The following ABCA6 variants were observed in gnomAD, a reference collection of about 807,000 sequenced individuals.
The protein encoded by ABCA6 is ATP-binding cassette sub-family A member 6.
ABCA6 carries 164 observed loss-of-function variants against 191.2 expected under a neutral mutation model. That is an observed-to-expected ratio of 0.86 (90% CI 0.76 to 0.98). The LOEUF is 0.98. ABCA6 is among the 50% of genes least tolerant of loss of function. The pLI, the probability that ABCA6 is intolerant of heterozygous loss-of-function variation, is 0.00. For synonymous variants in ABCA6, 636 were observed against 647.7 expected (o/e 0.98, Z 0.27); for missense variants, 1,958 against 1,894.1 (o/e 1.03, Z -0.63).
chr17:69,089,053 A>G (rs1483464125), intron 27 of ABCA6, among the ~76,000 whole-genome samples: 1 of 152,206 alleles, frequency 6.6e-6, no homozygotes, highest in Non-Finnish European at 1.5e-5. Context: ...TACCTAGAAA[A>G]GTACTGACAC....
In ABCA6 at chr17:69,136,166, A is replaced by C; in HGVS notation, c.386T>G (p.Phe129Cys). Reference sequence around the variant, plus strand: ...TAACTTATAAGAGAAAGTTTCATTAAAGATGATTCCCATAGCATATGGTAA... The same window carrying C: ...TAACTTATAAGAGAAAGTTTCATTACAGATGATTCCCATAGCATATGGTAA... ...ENLPYAMGII[F>C]NETFSYKLIF... The change falls in exon 4 of 39, where the codon TTT (phenylalanine) becomes TGT (cysteine). Residue 129 changes from phenylalanine (F) to cysteine (C), a missense_variant. By Grantham distance (205) the Phe-to-Cys change is radical (BLOSUM62 -2). Coordinates refer to ENST00000284425, the MANE Select transcript of ABCA6 (RefSeq NM_080284.3). 6.2e-7 allele frequency: 1 copy of C among 1,606,126 alleles called. No homozygotes were observed. Among genetic ancestry groups the C allele is most frequent in the African/African-American group, 1.3e-5 (1 of 74,942 alleles).
intron 20 of ABCA6, among the ~76,000 whole-genome samples, chr17:69,103,557 C>T (rs1487060244): frequency 2.0e-5 from 3 of 152,086 alleles, no homozygotes; most frequent in African/African-American, 4.8e-5. Context: ...CAGATGAGAA[C>T]GTCTGACCGT....
In ABCA6 at chr17:69,100,911, A is replaced by G. The variant is rs139056391; in HGVS notation, c.2898T>C (p.Cys966=). The G allele has an allele frequency of 3.8e-6, 6 of 1,596,032 alleles. No individual in the cohort carries two copies. In the African/African-American group the frequency reaches 8.1e-5, roughly 22 times the overall value. Residue 966 remains cysteine (C), a synonymous_variant, in exon 22 of 39, where the codon TGT becomes TGC. Transcript: ENST00000284425. ...GAAAACAGTGCAATCTCTTGGTATT[A>G]CACACAACTGAAAATCTATAATCCT... The part of the protein sequence containing the change: ...KQKDYRFSVV[C]NTKRLHCFPI...
chr17:69,102,157 C>T (rs2073195656), intron 21 of ABCA6, among the ~76,000 whole-genome samples: 1 of 152,036 alleles, frequency 6.6e-6, no homozygotes, highest in South Asian at 2.1e-4. Flanking sequence ...ACCAGCCTGG[C>T]CAACATGATG....
At chr17:69,090,676 A>C (rs1891802988) in intron 26 of ABCA6, among the ~76,000 whole-genome samples, 1 of 152,182 alleles carries the variant, frequency 6.6e-6, no homozygotes, top group Non-Finnish European at 1.5e-5. Context: ...AGGTGTCCCC[A>C]GTTACTAGCA....
rs780961123 is a variant in ABCA6, at chr17:69,081,197, G to T, written c.4617-52C>A. The T allele has an allele frequency of 1.1e-4, 106 of 957,732 alleles. 1 individual carries two copies. Among genetic ancestry groups the T allele is most frequent in the Middle Eastern group, 6.5e-4 (3 of 4,624 alleles). 59.3% of individuals were successfully genotyped at this position (957,732 alleles called of 1,614,324 possible). On this transcript the variant is annotated intron_variant, in intron 36 of 38. Transcript: ENST00000284425. ...GCTCTGAGTTTCAAGGGGAGAAAAT[G>T]AGCATCAGAATAAATATTGATATTA...
chr17:69,096,078 T>G (rs2073038664), intron 25 of ABCA6, among the ~76,000 whole-genome samples, 162 bp downstream of exon 25: 1 of 152,230 alleles, frequency 6.6e-6, no homozygotes, highest in South Asian at 2.1e-4. Context: ...TTTAGAAATA[T>G]TATTGATTCA....
chr17:69,098,620 G>A (rs1322798533), intron 22 of ABCA6: 25 of 44,978 alleles, frequency 5.6e-4, no homozygotes, highest in African/African-American at 1.2e-3. Flanking sequence ...AACAAAACTC[G>A]GTCTCAAAAA....
In ABCA6 at chr17:69,113,623, G is replaced by T; in HGVS notation, c.1897C>A (p.Pro633Thr). 1 of 1,612,884 alleles carries T rather than the reference G, an allele frequency of 6.2e-7. No homozygotes were observed. Among genetic ancestry groups the T allele is most frequent in the Non-Finnish European group, 8.5e-7 (1 of 1,179,300 alleles). ...CCATGCATAATCTCACTTACTTGAG[G>T]ATCTCCTAAAATGGTAATCCCAAAA... ...LTFGITILGD[P>T]QILLLDEPTT... The change falls in exon 14 of 39, where the codon CCT becomes ACT. Residue 633 changes from proline (P) to threonine (T), a missense_variant. Pro to Thr is a conservative substitution (Grantham distance 38). Coordinates refer to ENST00000284425, the MANE Select transcript of ABCA6 (RefSeq NM_080284.3).
intron 25 of ABCA6, among the ~76,000 whole-genome samples, chr17:69,092,157 G>GTTTT (rs2072940638): frequency 6.6e-6 from 1 of 152,072 alleles, no homozygotes. Flanking sequence ...TTGTTTGTTT[G>GTTTT]TTTTAAGAAT....
intron 7 of ABCA6, among the ~76,000 whole-genome samples, 153 bp downstream of exon 7, chr17:69,129,457 T>C (rs2073820054): frequency 6.6e-6 from 1 of 152,092 alleles, no homozygotes; most frequent in Admixed American, 6.6e-5. Flanking sequence ...TTTCACTCCA[T>C]AGAAACTATT....
At chr17:69,100,699 C>A in intron 22 of ABCA6, 98 bp downstream of exon 22, 1 of 1,247,154 alleles carries the variant, frequency 8.0e-7, no homozygotes. Context: ...AATTTTCAGG[C>A]TTAACAATCA....
chr17:69,105,516 G>C lies in ABCA6; in HGVS notation c.2686C>G (p.Pro896Ala), dbSNP rs1273473772. 6.2e-7 allele frequency: 1 copy of C among 1,611,478 alleles called. No homozygotes were observed. The highest frequency in any genetic ancestry group is 1.7e-5 in the Admixed American group (1 of 59,908). The change falls in exon 20 of 39, where the codon CCT (proline) becomes GCT (alanine). Residue 896 changes from proline to alanine, a missense_variant. Coordinates refer to ENST00000284425, the MANE Select transcript of ABCA6 (RefSeq NM_080284.3). Reference protein sequence around the residue: ...EFKNELYFLSPGQLPQEPRTS... With the variant: ...EFKNELYFLSAGQLPQEPRTS... ...CGGGGTTCCTGGGGAAGTTGTCCAG[G>C]AGAGAGAAAATACAATTCGTTTTTA... is the stretch of plus-strand genomic sequence containing the variant.
At chr17:69,130,283 C>T (rs1225438849) in intron 6 of ABCA6, among the ~76,000 whole-genome samples, 1 of 151,424 alleles carries the variant, frequency 6.6e-6, no homozygotes, top group Non-Finnish European at 1.5e-5. Context: ...TGCCACTGCG[C>T]TCCAGTCTGG....
At chr17:69,086,807 C>A (rs915708206) in intron 29 of ABCA6, 72 bp from the exon 30 acceptor site, 3 of 989,486 alleles carry the variant, frequency 3.0e-6, no homozygotes, top group Non-Finnish European at 1.5e-6. Flanking sequence ...ACCTTTCATG[C>A]CTTATGTCAT....
chr17:69,109,102 T>C (rs2073366110), intron 17 of ABCA6: 2 of 152,144 alleles, frequency 1.3e-5, no homozygotes, highest in African/African-American at 2.4e-5. Flanking sequence ...GGAGTGAAGC[T>C]AAAATCTGGG....
intron 29 of ABCA6, 105 bp from the exon 30 acceptor site, chr17:69,086,840 G>T: frequency 1.5e-6 from 1 of 680,982 alleles, no homozygotes; most frequent in Non-Finnish European, 2.5e-6. Context: ...ATTTTGAGTT[G>T]AGAGTAATTC....
intron 15 of ABCA6, 37 bp downstream of exon 15, chr17:69,113,185 T>A (rs555390305): frequency 6.3e-7 from 1 of 1,577,328 alleles, no homozygotes; most frequent in Non-Finnish European, 8.6e-7. Flanking sequence ...ATTCCCCAAT[T>A]GCATCATGGT....
intron 11 of ABCA6, among the ~76,000 whole-genome samples, chr17:69,116,179 G>A (rs182149760): frequency 1.2e-4 from 19 of 152,142 alleles, no homozygotes; most frequent in African/African-American, 4.3e-4. Flanking sequence ...TGTTTTCCAG[G>A]GTAAGAGGGA....
Sources: allele counts gnomAD v4.1 joint callset (sites outside exome capture counted in the v4.1 genomes callset), GRCh38; gene constraint gnomAD v4.1.1; transcripts MANE v1.5; gene names NCBI Gene and HGNC (gene_info 2026-07-23, HGNC 2026-07-21).